CDH12: variants seen among roughly 807,000 people sequenced by gnomAD.
CDH12 encodes cadherin 12, also known as cadherin-12.
Under a neutral mutation model 74.1 loss-of-function variants are expected in CDH12, and 41 were observed. The ratio of observed to expected loss-of-function variants is 0.55; its 90% CI spans 0.43 to 0.72. The LOEUF is 0.72. CDH12 is among the 30% of genes least tolerant of loss of function. The pLI is 0.00. For synonymous variants in CDH12, 399 were observed against 355.0 expected (o/e 1.12, Z -1.39); for missense variants, 945 against 977.2 (o/e 0.97, Z 0.44).
At chr5:22,017,073 G>C (rs1005446937) in intron 5 of CDH12, among the ~76,000 whole-genome samples, 6 of 152,028 alleles carry the variant, frequency 3.9e-5, no homozygotes, top group Non-Finnish European at 1.5e-5. Context: ...AGACTCCTGA[G>C]CAAATGTTGG....
intron 1 of CDH12, among the ~76,000 whole-genome samples, chr5:22,730,806 A>C (rs891609392): frequency 6.6e-6 from 1 of 151,832 alleles, no homozygotes; most frequent in African/African-American, 2.4e-5. Context: ...CCTATTATAC[A>C]TAATTTATTC....
intron 4 of CDH12, among the ~76,000 whole-genome samples, chr5:22,118,378 ATTCGTTGTTGTCG>A (rs1240977701): frequency 6.6e-6 from 1 of 152,034 alleles, no homozygotes; most frequent in Non-Finnish European, 1.5e-5. Flanking sequence ...TCTCGGAAAT[ATTCGTTGTTGTCG>A]TCTCTAAAAC....
chr5:22,078,382 A>G lies in CDH12; in HGVS notation c.231+64T>C, dbSNP rs567426951. ...TTCAACTCCTGTGCAAAACATCCAT[A>G]CAAAATACACAATGCATATTCCCCC... On this transcript the variant is annotated intron_variant, in intron 5 of 14. Coordinates refer to ENST00000382254, the MANE Select transcript of CDH12 (RefSeq NM_004061.5). 3 of 1,427,460 alleles carry G rather than the reference A, an allele frequency of 2.1e-6. No homozygotes were observed. The African/African-American group carries it at 4.2e-5, about 20-fold the overall frequency. 88.4% of individuals were successfully genotyped at this position (1,427,460 alleles called of 1,614,324 possible).
chr5:21,814,817 T>A (rs1411420044), intron 9 of CDH12, among the ~76,000 whole-genome samples: 2 of 151,660 alleles, frequency 1.3e-5, no homozygotes, highest in Admixed American at 1.3e-4. Flanking sequence ...TCCATTTGAA[T>A]AGATGATTGT....
At chr5:22,014,850 C>T (rs555243640) in intron 5 of CDH12, among the ~76,000 whole-genome samples, 1 of 152,000 alleles carries the variant, frequency 6.6e-6, no homozygotes, top group African/African-American at 2.4e-5. Context: ...TATTTGATAG[C>T]CTTGAATTTC....
chr5:22,762,591 T>C (rs907548367), intron 1 of CDH12, among the ~76,000 whole-genome samples: 4 of 152,000 alleles, frequency 2.6e-5, no homozygotes, highest in African/African-American at 7.2e-5. Flanking sequence ...ATCAGACCAA[T>C]TGAATCCACA....
intron 1 of CDH12, among the ~76,000 whole-genome samples, chr5:22,765,438 A>T (rs969266239): frequency 6.6e-6 from 1 of 151,978 alleles, no homozygotes; most frequent in Non-Finnish European, 1.5e-5. Flanking sequence ...CTGGTTGAAT[A>T]TAAAAATATC....
intron 3 of CDH12, among the ~76,000 whole-genome samples, chr5:22,371,293 T>TAC (rs1042305563): frequency 3.1e-4 from 47 of 152,280 alleles, no homozygotes; most frequent in Middle Eastern, 3.4e-3. Flanking sequence ...CAAATAAATG[T>TAC]ACACACACAT....
At chr5:22,051,203 C>T (rs111933719) in intron 5 of CDH12, among the ~76,000 whole-genome samples, 3 of 152,046 alleles carry the variant, frequency 2.0e-5, no homozygotes, top group Admixed American at 6.6e-5. Context: ...TGGAATCCCC[C>T]TCTTGCCCCA....
intron 1 of CDH12, among the ~76,000 whole-genome samples, chr5:22,796,878 T>C (rs1463433778): frequency 6.6e-6 from 1 of 152,086 alleles, no homozygotes; most frequent in African/African-American, 2.4e-5. Context: ...CATAAAATAG[T>C]AAGGAATTAT....
intron 1 of CDH12, among the ~76,000 whole-genome samples, chr5:22,574,205 G>A (rs1043613858): frequency 2.0e-5 from 3 of 149,582 alleles, no homozygotes; most frequent in African/African-American, 7.4e-5. Context: ...TCAGCCTCAC[G>A]AGTAGCTGGG....
intron 5 of CDH12, among the ~76,000 whole-genome samples, chr5:22,023,508 TTG>T (rs748420324): frequency 2.0e-5 from 3 of 151,596 alleles, no homozygotes; most frequent in South Asian, 2.1e-4. Flanking sequence ...TTATCTATAT[TTG>T]TGTGTGTGTG....
intron 1 of CDH12, among the ~76,000 whole-genome samples, chr5:22,831,849 A>T (rs1468250163): frequency 6.6e-6 from 1 of 152,050 alleles, no homozygotes; most frequent in East Asian, 1.9e-4. Flanking sequence ...GTATGCCGAG[A>T]TTGCACCACC....
At chr5:22,387,566 C>T (rs1395268721) in intron 3 of CDH12, among the ~76,000 whole-genome samples, 2 of 152,050 alleles carry the variant, frequency 1.3e-5, no homozygotes, top group African/African-American at 4.8e-5. Flanking sequence ...TGTCTACATA[C>T]AGAATATGTA....
chr5:22,506,970 CCT>C (rs1736411746), intron 1 of CDH12, among the ~76,000 whole-genome samples: 1 of 152,038 alleles, frequency 6.6e-6, no homozygotes, highest in Non-Finnish European at 1.5e-5. Context: ...ATGAAATGCT[CCT>C]CTCTCAGTAA....
intron 4 of CDH12, among the ~76,000 whole-genome samples, chr5:22,199,526 G>C (rs1339390394): frequency 6.6e-6 from 1 of 152,108 alleles, no homozygotes; most frequent in African/African-American, 2.4e-5. Context: ...TTCATTCCCC[G>C]CTGCTTACCT....
rs183718121 is a variant in CDH12, at chr5:22,000,752, C to T, written c.232-25367G>A. ...GATCGGATAGTGCACAAATATTTTACGTGCCATACATGTAAATTCAGCCAA... is the reference window on the plus strand; with the variant it reads ...GATCGGATAGTGCACAAATATTTTATGTGCCATACATGTAAATTCAGCCAA... On this transcript the variant is annotated intron_variant, in intron 5 of 14. Coordinates refer to ENST00000382254, the MANE Select transcript of CDH12 (RefSeq NM_004061.5). Among the ~76,000 whole-genome samples, 189 of 152,162 alleles carry T rather than the reference C, an allele frequency of 1.2e-3. 1 individual carries two copies. Among genetic ancestry groups the T allele is most frequent in the African/African-American group, 4.0e-3 (165 of 41,540 alleles).
At chr5:22,331,961 A>G (rs1739368609) in intron 3 of CDH12, among the ~76,000 whole-genome samples, 1 of 152,192 alleles carries the variant, frequency 6.6e-6, no homozygotes, top group Non-Finnish European at 1.5e-5. Flanking sequence ...AAAATACACT[A>G]TCAGAGGAGA....
At chr5:22,248,896 CA>C (rs1753046076) in intron 3 of CDH12, among the ~76,000 whole-genome samples, 1 of 151,842 alleles carries the variant, frequency 6.6e-6, no homozygotes, top group African/African-American at 2.4e-5. Flanking sequence ...ATATTCAGAA[CA>C]AAAATGTCAT....
Sources: gnomAD v4.1 joint callset for allele counts (sites outside exome capture counted in the v4.1 genomes callset) on GRCh38, gnomAD v4.1.1 for gene constraint, MANE v1.5 for transcripts, NCBI Gene and HGNC (gene_info 2026-07-23, HGNC 2026-07-21) for gene names.